KLHL29: variants seen among roughly 807,000 people sequenced by gnomAD.
The protein encoded by KLHL29 is kelch like family member 29, also known as kelch-like protein 29.
Under a neutral mutation model 80.4 loss-of-function variants are expected in KLHL29, and 21 were observed. The observed-to-expected ratio is 0.26, with a 90% CI of 0.19 to 0.38. KLHL29 has a LOEUF of 0.38. KLHL29 is among the 10% of genes least tolerant of loss of function. KLHL29 has a pLI of 1.00. For missense variants in KLHL29, 867 were observed against 1,223.9 expected (o/e 0.71, Z 4.35); for synonymous variants, 511 against 526.8 (o/e 0.97, Z 0.41).
chr2:23,655,017 C>T (rs1425301055), intron 5 of KLHL29, among the ~76,000 whole-genome samples: 1 of 152,226 alleles, frequency 6.6e-6, no homozygotes, highest in Non-Finnish European at 1.5e-5. Context: ...AGTCTCCTGG[C>T]TGATACTTCT....
At chr2:23,484,445 A>G (rs1461139324) in intron 2 of KLHL29, among the ~76,000 whole-genome samples, 1 of 152,188 alleles carries the variant, frequency 6.6e-6, no homozygotes, top group African/African-American at 2.4e-5. Flanking sequence ...TGCTTTTACA[A>G]AGTAACCTAG....
At chr2:23,701,773 G>A (rs939974003) in intron 11 of KLHL29, among the ~76,000 whole-genome samples, 6 of 144,118 alleles carry the variant, frequency 4.2e-5, no homozygotes, top group African/African-American at 1.6e-4. Flanking sequence ...CTTTAGCTTC[G>A]CACACATGGC....
intron 3 of KLHL29, among the ~76,000 whole-genome samples, chr2:23,603,176 G>A (rs911800400): frequency 6.6e-6 from 1 of 152,178 alleles, no homozygotes; most frequent in South Asian, 2.1e-4. Context: ...AGTGAAGTTG[G>A]ACAGCCTTCC....
At chr2:23,397,299 A>G (rs1290132417) in intron 1 of KLHL29, among the ~76,000 whole-genome samples, 1 of 152,216 alleles carries the variant, frequency 6.6e-6, no homozygotes, top group Non-Finnish European at 1.5e-5. Flanking sequence ...GCTCTCCCTC[A>G]CATCACTGAG....
Position 23,682,120 on chromosome 2 carries a change from C to A in KLHL29, c.941-2279C>A, listed in dbSNP as rs72796108. Among the ~76,000 whole-genome samples the A allele has an allele frequency of 0.1, 15,688 of 152,186 alleles. 891 individuals are homozygous for A. Among genetic ancestry groups the A allele is most frequent in the Middle Eastern group, 0.17 (49 of 294 alleles). ...TAGTGGTCTCCATGCCTCCCCCTCC[C>A]CACTTCCTTCCTGCACTGAGCCCCA... On this transcript the variant is annotated intron_variant, in intron 5 of 13. Transcript: ENST00000486442. The surrounding 1 kb of genome is among the most constrained non-coding windows in gnomAD (Gnocchi z 4.1).
intron 1 of KLHL29, among the ~76,000 whole-genome samples, chr2:23,395,027 T>C (rs1263895986): frequency 2.0e-5 from 3 of 152,246 alleles, no homozygotes; most frequent in Non-Finnish European, 4.4e-5. Flanking sequence ...TTGGGGATCA[T>C]GGTCCTTGAA....
intron 3 of KLHL29, among the ~76,000 whole-genome samples, chr2:23,585,344 G>A (rs1038834732): frequency 1.8e-4 from 28 of 152,166 alleles, no homozygotes; most frequent in African/African-American, 5.8e-4. Flanking sequence ...ACTGCTAACC[G>A]GGAGATTTAT....
At chr2:23,591,194 G>A (rs927707775) in intron 3 of KLHL29, among the ~76,000 whole-genome samples, 1 of 152,190 alleles carries the variant, frequency 6.6e-6, no homozygotes, top group East Asian at 1.9e-4. Flanking sequence ...GGCCAGGGGT[G>A]AAAAGGAGCA....
At chr2:23,545,920 C>A (rs1465057329) in intron 2 of KLHL29, among the ~76,000 whole-genome samples, 3 of 152,200 alleles carry the variant, frequency 2.0e-5, no homozygotes, top group Admixed American at 1.3e-4. Context: ...CTCTGCAGAC[C>A]CCTTTGTTGA....
chr2:23,586,811 C>T (rs1251312298), intron 3 of KLHL29, among the ~76,000 whole-genome samples: 2 of 152,130 alleles, frequency 1.3e-5, no homozygotes, highest in East Asian at 3.9e-4. Flanking sequence ...TCCCTTAGCA[C>T]ACGCCGCATT....
chr2:23,633,197 C>T (rs1006033326), intron 3 of KLHL29, among the ~76,000 whole-genome samples: 1 of 152,180 alleles, frequency 6.6e-6, no homozygotes, highest in African/African-American at 2.4e-5. Flanking sequence ...CTGGCGTTGT[C>T]CCTGGCATTG....
chr2:23,585,394 G>C (rs1668092836), intron 3 of KLHL29, among the ~76,000 whole-genome samples: 1 of 152,332 alleles, frequency 6.6e-6, no homozygotes, highest in South Asian at 2.1e-4. Flanking sequence ...ATTTAGAAGA[G>C]AGGATTATAC....
intron 3 of KLHL29, among the ~76,000 whole-genome samples, chr2:23,593,757 T>TA (rs1466268705): frequency 6.6e-6 from 1 of 152,214 alleles, no homozygotes; most frequent in Non-Finnish European, 1.5e-5. Flanking sequence ...GGGCTGCCCT[T>TA]ACAGTTTAGA....
chr2:23,542,892 C>T (rs1010533404), intron 2 of KLHL29, among the ~76,000 whole-genome samples: 1 of 152,202 alleles, frequency 6.6e-6, no homozygotes, highest in Admixed American at 6.5e-5. Context: ...CTCTTTGTGA[C>T]CTTGGGCAAG....
chr2:23,684,838 CAG>C lies in KLHL29; in HGVS notation c.1079+302_1079+303del, dbSNP rs1671191758. Among the ~76,000 whole-genome samples the C allele has an allele frequency of 6.6e-6, 1 of 152,202 alleles. No individual in the cohort carries two copies. The highest frequency in any genetic ancestry group is 2.4e-5 in the African/African-American group (1 of 41,462). On this transcript the variant is annotated intron_variant, in intron 6 of 13. Transcript: ENST00000486442. This position sits in a 1 kb window ranked among gnomAD's most constrained non-coding sequence, Gnocchi z 4.4. ...CCCCACCCCTGAGATCCCAGGTTCTCAGTGGCTCACAAGCTGTCCCTGAGATT... is the reference window on the plus strand; with the variant it reads ...CCCCACCCCTGAGATCCCAGGTTCTCTGGCTCACAAGCTGTCCCTGAGATT...
chr2:23,583,519 G>A (rs1315656784), intron 3 of KLHL29, among the ~76,000 whole-genome samples: 1 of 152,166 alleles, frequency 6.6e-6, no homozygotes, highest in Non-Finnish European at 1.5e-5. Flanking sequence ...GTTTCAAAGG[G>A]CGATTAAAGC....
At chr2:23,547,537 G>A (rs1209710253) in intron 2 of KLHL29, among the ~76,000 whole-genome samples, 2 of 151,958 alleles carry the variant, frequency 1.3e-5, no homozygotes, top group African/African-American at 2.4e-5. Flanking sequence ...CCCTTGGTAC[G>A]GTAGCCAGCA....
At chr2:23,557,124 TG>T (rs1372530987) in intron 2 of KLHL29, among the ~76,000 whole-genome samples, 2 of 152,230 alleles carry the variant, frequency 1.3e-5, no homozygotes, top group Non-Finnish European at 2.9e-5. Flanking sequence ...TGTCGGTAAT[TG>T]CTTGACCAGT....
chr2:23,479,013 T>C (rs1270226415), intron 2 of KLHL29, among the ~76,000 whole-genome samples: 1 of 151,580 alleles, frequency 6.6e-6, no homozygotes. Context: ...ACAGCCTTAC[T>C]TCCTGAGCTC....
Sources: allele counts gnomAD v4.1 joint callset (sites outside exome capture counted in the v4.1 genomes callset), GRCh38; gene constraint gnomAD v4.1.1; non-coding constraint Gnocchi (gnomAD v3.1); transcripts MANE v1.5; gene names NCBI Gene and HGNC (gene_info 2026-07-23, HGNC 2026-07-21).